The following UBR1 variants were observed in gnomAD, a reference collection of about 807,000 sequenced individuals.
The protein encoded by UBR1 is ubiquitin protein ligase E3 component n-recognin 1, also known as E3 ubiquitin-protein ligase UBR1.
UBR1 carries 102 observed loss-of-function variants against 242.1 expected under a neutral mutation model. That is an observed-to-expected ratio of 0.42 (90% CI 0.36 to 0.50). The LOEUF is 0.50. Ranked by LOEUF, UBR1 falls within the 20% of genes least tolerant of loss-of-function variation. The pLI, the probability that UBR1 is intolerant of heterozygous loss-of-function variation, is 0.01. For missense variants in UBR1, 1,772 were observed against 2,101.8 expected, an observed-to-expected ratio of 0.84 and a Z score of 3.07; for synonymous variants, 675 against 684.8, an observed-to-expected ratio of 0.99 and a Z score of 0.22.
intron 24 of UBR1, 118 bp from the exon 25 acceptor site, chr15:43,025,101 T>A (rs2141305655): frequency 2.3e-6 from 3 of 1,286,112 alleles, no homozygotes. Flanking sequence ...AAACAACACA[T>A]GCTTTTTTGC....
Position 42,956,425 on chromosome 15 carries a change from T to G in UBR1, c.4835+1588A>C, listed in dbSNP as rs565225511. The stretch of plus-strand genomic sequence containing the variant: ...ACTTCTGCCTCCTGGGTTCAAGTGA[T>G]TCTCACGCCTCAGCCTCCCAAGTAG... On this transcript the variant is annotated intron_variant, in intron 44 of 46. Transcript: ENST00000290650. 9.2e-4 allele frequency among the ~76,000 whole-genome samples: 140 copies of G among 152,310 alleles called. 1 individual carries two copies. Among genetic ancestry groups the G allele is most frequent in the Non-Finnish European group, 1.2e-3 (82 of 68,014 alleles).
chr15:42,991,027 C>T (rs948013048), intron 33 of UBR1, among the ~76,000 whole-genome samples: 3 of 151,402 alleles, frequency 2.0e-5, no homozygotes, highest in Admixed American at 6.6e-5. Flanking sequence ...GTAATCCTAG[C>T]ACTTTGGGAG....
intron 14 of UBR1, among the ~76,000 whole-genome samples, chr15:43,044,936 GA>G (rs1006520164): frequency 2.0e-5 from 3 of 151,116 alleles, no homozygotes; most frequent in East Asian, 1.9e-4. Context: ...AGCTTTAAAA[GA>G]AAAAAAAATC....
intron 15 of UBR1, 106 bp downstream of exon 15, chr15:43,043,109 T>G (rs1421727585): frequency 8.0e-7 from 1 of 1,253,964 alleles, no homozygotes; most frequent in African/African-American, 1.5e-5. Flanking sequence ...GACCTGAGCA[T>G]GTCTGTACAT....
intron 1 of UBR1, among the ~76,000 whole-genome samples, chr15:43,099,285 C>T (rs1310226395): frequency 6.6e-6 from 1 of 151,620 alleles, no homozygotes; most frequent in Non-Finnish European, 1.5e-5. Flanking sequence ...TTCAGAGAGC[C>T]AAGATTGCAC....
At chr15:43,092,321 G>C (rs1390222133) in intron 1 of UBR1, among the ~76,000 whole-genome samples, 1 of 152,070 alleles carries the variant, frequency 6.6e-6, no homozygotes, top group African/African-American at 2.4e-5. Flanking sequence ...TACTCATTCT[G>C]TACTTATACC....
chr15:42,984,445 G>A (rs2032429056), intron 36 of UBR1, among the ~76,000 whole-genome samples: 1 of 152,090 alleles, frequency 6.6e-6, no homozygotes, highest in Admixed American at 6.5e-5. Flanking sequence ...TTAGGCCTGG[G>A]GCAGGAGTAG....
rs958585962 is a variant in UBR1 at position 43,036,521 on chromosome 15, T to C, written c.2088+7A>G. On this transcript the variant is annotated splice_region_variant and intron_variant, in intron 18 of 46. Coordinates refer to ENST00000290650, the MANE Select transcript of UBR1 (RefSeq NM_174916.3). ...ACACAAATATCAGAAACAATTTAAA[T>C]AGGTACCTGAAGCATGATGATATCT... The C allele has an allele frequency of 1.3e-6, 2 of 1,581,928 alleles. No homozygotes were observed. The highest frequency in any genetic ancestry group is 1.3e-5 in the African/African-American group (1 of 74,338).
intron 1 of UBR1, among the ~76,000 whole-genome samples, chr15:43,101,910 G>C (rs975163676): frequency 7.0e-6 from 1 of 142,670 alleles, no homozygotes. Flanking sequence ...AGAGGTTTCA[G>C]TGAGCCGAGA....
At chr15:43,062,110 C>T (rs1222110185) in intron 6 of UBR1, among the ~76,000 whole-genome samples, 15 of 152,022 alleles carry the variant, frequency 9.9e-5, no homozygotes, top group Non-Finnish European at 2.9e-5. Context: ...AATAGAATTC[C>T]CATATGATCC....
rs1420060057 is a variant in UBR1 at position 43,043,366 on chromosome 15, T to G, written c.1698A>C (p.Glu566Asp). The G allele has an allele frequency of 3.1e-6, 5 of 1,614,006 alleles. No individual in the cohort carries two copies. The highest frequency in any genetic ancestry group is 4.2e-6 in the Non-Finnish European group (5 of 1,180,016). The change falls in exon 15 of 47, where the codon GAA (glutamate) becomes GAC (aspartate). Residue 566 changes from glutamate to aspartate, a missense_variant. By Grantham distance (45) the Glu-to-Asp change is conservative. This residue lies in a region of UBR1 where 734 missense variants were observed against 893.3 expected (regional missense o/e 0.82). Coordinates refer to ENST00000290650, the MANE Select transcript of UBR1 (RefSeq NM_174916.3). ...TGCACCTCATCACAGCTTTGTGACA[T>G]TCTTTATAAGCCACAAGTAAGAGTT... ...DEELLLVAYK[E>D]CHKAVMRCST... is the part of the protein sequence containing the mutation.
chr15:42,979,778 G>A (rs967004417), intron 37 of UBR1, among the ~76,000 whole-genome samples: 1 of 152,026 alleles, frequency 6.6e-6, no homozygotes, highest in Non-Finnish European at 1.5e-5. Flanking sequence ...GGCTGGTCTT[G>A]AACTCCTCGC....
At chr15:43,031,986 A>G (rs980928069) in intron 20 of UBR1, among the ~76,000 whole-genome samples, 1 of 152,170 alleles carries the variant, frequency 6.6e-6, no homozygotes, top group Non-Finnish European at 1.5e-5. Context: ...GTGAGCTGAG[A>G]TCGCACCACT....
At chr15:43,093,089 T>C (rs755183528) in intron 1 of UBR1, among the ~76,000 whole-genome samples, 1 of 152,198 alleles carries the variant, frequency 6.6e-6, no homozygotes, top group Non-Finnish European at 1.5e-5. Context: ...TAATTGACTA[T>C]TCTGTAAAAA....
At chr15:42,950,598 A>G (rs2031818402) in intron 45 of UBR1, 3 of 523,038 alleles carry the variant, frequency 5.7e-6, no homozygotes, top group East Asian at 6.9e-5. Flanking sequence ...AAATGAGATC[A>G]TTTATACTGA....
At chr15:42,967,500 G>C (rs2032127538) in intron 40 of UBR1, among the ~76,000 whole-genome samples, 1 of 150,096 alleles carries the variant, frequency 6.7e-6, no homozygotes, top group South Asian at 2.1e-4. Flanking sequence ...CAACTTGTTA[G>C]CTAAAACAAA....
chr15:43,002,744 C>T (rs1456865824), intron 31 of UBR1, 40 bp from the exon 32 acceptor site: 44 of 1,613,632 alleles, frequency 2.7e-5, no homozygotes, highest in Non-Finnish European at 3.6e-5. Flanking sequence ...CAGAACTACA[C>T]ATGCATCTCT....
At chr15:42,977,490 A>T (rs1347076884) in intron 38 of UBR1, among the ~76,000 whole-genome samples, 1 of 152,140 alleles carries the variant, frequency 6.6e-6, no homozygotes, top group Non-Finnish European at 1.5e-5. Context: ...GCCTAGATAC[A>T]CCCATGGTCT....
intron 39 of UBR1, among the ~76,000 whole-genome samples, chr15:42,975,559 G>C (rs1485828689): frequency 1.3e-5 from 2 of 152,112 alleles, no homozygotes; most frequent in African/African-American, 4.8e-5. Flanking sequence ...GTGTACCACA[G>C]GGTAAATGCA....
Sources: gnomAD v4.1 joint callset for allele counts (sites outside exome capture counted in the v4.1 genomes callset) on GRCh38, gnomAD v4.1.1 for gene constraint, gnomAD v4.1.1 regional missense constraint, MANE v1.5 for transcripts, NCBI Gene and HGNC (gene_info 2026-07-23, HGNC 2026-07-21) for gene names.